GPCPD1: variants seen among roughly 807,000 people sequenced by gnomAD.
The protein encoded by GPCPD1 is glycerophosphocholine phosphodiesterase GPCPD1.
GPCPD1 carries 29 observed loss-of-function variants against 89.2 expected under a neutral mutation model. The observed-to-expected ratio is 0.33, with a 90% CI of 0.24 to 0.44. GPCPD1 has a LOEUF of 0.44. Ranked by LOEUF, GPCPD1 falls within the 20% of genes least tolerant of loss-of-function variation. The probability of loss-of-function intolerance (pLI) is 1.00; values close to 1 mark genes in which losing one functional copy is unlikely to be tolerated. For synonymous variants in GPCPD1, 258 were observed against 266.3 expected, an observed-to-expected ratio of 0.97 and a Z score of 0.30; for missense variants, 594 against 808.9, an observed-to-expected ratio of 0.73 and a Z score of 3.22.
At chr20:5,563,760 T>G (rs1046246685) in intron 15 of GPCPD1, among the ~76,000 whole-genome samples, 3 of 152,250 alleles carry the variant, frequency 2.0e-5, no homozygotes, top group African/African-American at 7.2e-5. Context: ...TAATCAATAC[T>G]TAATTTACCT....
Position 5,610,916 on chromosome 20 carries a change from G to A in GPCPD1, c.-103C>T, listed in dbSNP as rs1433747747. ...AGCGAGGACCGCGGGCAGAGGTACC[G>A]GGCGCCCGCCGTCCGTGCCTCGCCA... On this transcript the variant is annotated 5_prime_UTR_variant, in exon 1 of 20. Transcript: ENST00000379019. The A allele has an allele frequency of 3.5e-5, 5 of 144,486 alleles. No homozygotes were observed. The highest frequency in any genetic ancestry group is 4.4e-4 in the South Asian group (2 of 4,572). The allele number at this position is 144,486 out of a possible 1,614,324, so 9.0% of individuals were successfully genotyped here.
chr20:5,569,891 C>T (rs1281372298), intron 12 of GPCPD1, among the ~76,000 whole-genome samples: 1 of 152,090 alleles, frequency 6.6e-6, no homozygotes, highest in Non-Finnish European at 1.5e-5. Context: ...GCTACAGAAA[C>T]CACCTGGAAT....
intron 1 of GPCPD1, among the ~76,000 whole-genome samples, chr20:5,610,420 G>A (rs1417659703): frequency 6.6e-6 from 1 of 152,152 alleles, no homozygotes; most frequent in Non-Finnish European, 1.5e-5. Flanking sequence ...GGGACAGAGA[G>A]CGGCGGTGAG....
At chr20:5,561,419 G>T in intron 16 of GPCPD1, 46 bp downstream of exon 16, 1 of 987,770 alleles carries the variant, frequency 1.0e-6, no homozygotes. Context: ...GAATTTTTTA[G>T]ATAGGCATAG....
chr20:5,581,981 G>A (rs1188986946), intron 6 of GPCPD1, among the ~76,000 whole-genome samples: 4 of 148,260 alleles, frequency 2.7e-5, no homozygotes, highest in East Asian at 2.0e-4. Context: ...TCAGGAGATC[G>A]AGACCATCCT....
intron 3 of GPCPD1, among the ~76,000 whole-genome samples, chr20:5,593,757 C>T (rs565225693): frequency 6.6e-6 from 1 of 152,126 alleles, no homozygotes; most frequent in Non-Finnish European, 1.5e-5. Flanking sequence ...AGGAACCAGC[C>T]ATATAAAGAG....
intron 6 of GPCPD1, among the ~76,000 whole-genome samples, chr20:5,580,879 T>A (rs868698091): frequency 3.8e-5 from 5 of 132,456 alleles, no homozygotes; most frequent in Non-Finnish European, 4.7e-5. Context: ...TCAATTCCAT[T>A]TTTTTTTTTT....
chr20:5,549,243 G>A, intron 19 of GPCPD1: 2 of 777,268 alleles, frequency 2.6e-6, no homozygotes, highest in Non-Finnish European at 4.5e-6. Context: ...GTGTCTTATT[G>A]GAGAATCTTT....
At chr20:5,552,670 T>C (rs1283274959) in intron 19 of GPCPD1, among the ~76,000 whole-genome samples, 1 of 152,278 alleles carries the variant, frequency 6.6e-6, no homozygotes, top group Non-Finnish European at 1.5e-5. Flanking sequence ...ATTAAATTAG[T>C]TGGAAATGCT....
intron 4 of GPCPD1, among the ~76,000 whole-genome samples, chr20:5,590,103 G>A (rs1284153419): frequency 6.6e-6 from 1 of 151,684 alleles, no homozygotes; most frequent in African/African-American, 2.4e-5. Context: ...ATGTAGATTG[G>A]AAGTTTGTTT....
intron 1 of GPCPD1, among the ~76,000 whole-genome samples, chr20:5,604,774 T>TACACACACACAC (rs11466989): frequency 0.044 from 6,078 of 139,070 alleles, 173 homozygotes; most frequent in African/African-American, 0.068. Context: ...GCCTCATGTC[T>TACACACACACAC]ACACACACAC....
At chr20:5,609,023 G>A (rs1372332007) in intron 1 of GPCPD1, among the ~76,000 whole-genome samples, 1 of 152,142 alleles carries the variant, frequency 6.6e-6, no homozygotes, top group African/African-American at 2.4e-5. Flanking sequence ...TTCCCGACAC[G>A]TGACACTACT....
At chr20:5,597,039 C>T (rs897541080) in intron 3 of GPCPD1, among the ~76,000 whole-genome samples, 3 of 152,142 alleles carry the variant, frequency 2.0e-5, no homozygotes, top group African/African-American at 7.2e-5. Flanking sequence ...TATGAGGTTT[C>T]ACTTCAGACC....
At chr20:5,602,673 T>C (rs1191118049) in intron 2 of GPCPD1, among the ~76,000 whole-genome samples, 1 of 152,202 alleles carries the variant, frequency 6.6e-6, no homozygotes, top group Non-Finnish European at 1.5e-5. Context: ...GAATTCAGCA[T>C]AAACAAGACA....
intron 19 of GPCPD1, among the ~76,000 whole-genome samples, chr20:5,552,729 T>C (rs909080700): frequency 2.0e-5 from 3 of 152,196 alleles, no homozygotes; most frequent in Non-Finnish European, 4.4e-5. Context: ...ATTAACCAAA[T>C]AGTTTAAAAG....
chr20:5,585,747 T>A (rs1284548286), intron 5 of GPCPD1: 3 of 152,114 alleles, frequency 2.0e-5, no homozygotes, highest in Non-Finnish European at 2.9e-5. Context: ...CTTAAAAAAA[T>A]TAAGAAGAAA....
At chr20:5,575,608 A>G (rs2122659090) in intron 9 of GPCPD1, 63 bp from the exon 10 acceptor site, 1 of 1,130,302 alleles carries the variant, frequency 8.8e-7, no homozygotes, top group South Asian at 1.4e-5. Flanking sequence ...ATTATGAGCT[A>G]CATTATATTT....
intron 19 of GPCPD1, among the ~76,000 whole-genome samples, chr20:5,555,431 C>G (rs111228289): frequency 1.3e-5 from 2 of 152,122 alleles, no homozygotes; most frequent in South Asian, 4.1e-4. Flanking sequence ...CCCAGCTACT[C>G]GGGAGGCTGA....
Position 5,547,566 on chromosome 20 carries a change from A to G in GPCPD1, c.*95T>C. ...TCATTATTGCTTCATTGAACTGAGAAGCCCAAAAGGCATAGATCAACAATG... is the reference window on the plus strand; with the variant it reads ...TCATTATTGCTTCATTGAACTGAGAGGCCCAAAAGGCATAGATCAACAATG... On this transcript the variant is annotated 3_prime_UTR_variant, in exon 20 of 20. Transcript: ENST00000379019. The G allele has an allele frequency of 1.6e-6, 1 of 609,038 alleles. No individual in the cohort carries two copies. The highest frequency in any genetic ancestry group is 2.8e-5 in the South Asian group (1 of 35,598). 37.7% of individuals were successfully genotyped at this position (609,038 alleles called of 1,614,324 possible). A position where few individuals can be genotyped will look rare whatever the true frequency, so the allele number is the denominator to read the frequency against.
Sources: gnomAD v4.1 joint callset for allele counts (sites outside exome capture counted in the v4.1 genomes callset) on GRCh38, gnomAD v4.1.1 for gene constraint, MANE v1.5 for transcripts, NCBI Gene and HGNC (gene_info 2026-07-23, HGNC 2026-07-21) for gene names.